The following TYW1B variants were observed in gnomAD, a reference collection of about 807,000 sequenced individuals.
TYW1B encodes the protein S-adenosyl-L-methionine-dependent tRNA 4-demethylwyosine synthase TYW1B.
Under a neutral mutation model 86.9 loss-of-function variants are expected in TYW1B, and 73 were observed. That is an observed-to-expected ratio of 0.84 (90% confidence interval 0.70 to 1.02). The LOEUF (loss-of-function observed/expected upper bound fraction) is 1.02. TYW1B is among the 50% of genes least tolerant of loss of function. The pLI, the probability that TYW1B is intolerant of heterozygous loss-of-function variation, is 0.00. For synonymous variants in TYW1B, 248 were observed against 292.8 expected (o/e 0.85, Z 1.56); for missense variants, 637 against 827.4 (o/e 0.77, Z 2.82).
At chr7:72,771,849 ATTTT>A (rs781905339) in intron 7 of TYW1B, among the ~76,000 whole-genome samples, 1 of 143,150 alleles carries the variant, frequency 7.0e-6, no homozygotes, top group African/African-American at 2.6e-5. Context: ...TAAAGAAATG[ATTTT>A]TTTTTTTTTT....
chr7:72,747,993 G>A (rs532976119), intron 7 of TYW1B, among the ~76,000 whole-genome samples: 80 of 152,184 alleles, frequency 5.3e-4, no homozygotes, highest in Non-Finnish European at 7.9e-4. Flanking sequence ...GAATACAGCC[G>A]GGCACAGTGG....
intron 7 of TYW1B, among the ~76,000 whole-genome samples, chr7:72,763,995 T>C (rs1015894865): frequency 5.3e-5 from 8 of 152,224 alleles, no homozygotes; most frequent in South Asian, 4.1e-4. Flanking sequence ...TCAGTCATAA[T>C]TGATTCTTTT....
chr7:72,601,740 T>A (rs1811672535), intron 13 of TYW1B, among the ~76,000 whole-genome samples: 2 of 110,996 alleles, frequency 1.8e-5, no homozygotes, highest in African/African-American at 3.6e-5. Context: ...CTTAAATGCA[T>A]ATTGCTAAGT....
intron 2 of TYW1B, among the ~76,000 whole-genome samples, chr7:72,823,986 C>T (rs757540032): frequency 3.9e-4 from 59 of 152,058 alleles, no homozygotes; most frequent in Non-Finnish European, 7.1e-4. Flanking sequence ...TAAAAACATG[C>T]ATAAAGAGGC....
At chr7:72,819,184 G>C (rs1271648468) in intron 2 of TYW1B, among the ~76,000 whole-genome samples, 2 of 152,036 alleles carry the variant, frequency 1.3e-5, no homozygotes, top group African/African-American at 4.8e-5. Flanking sequence ...TGGGGTAAGA[G>C]AGTTAACAAA....
chr7:72,741,965 T>C (rs144057550), intron 8 of TYW1B, among the ~76,000 whole-genome samples: 2,852 of 152,246 alleles, frequency 0.019, 36 homozygotes, highest in Non-Finnish European at 0.029. Context: ...CTAACAGACC[T>C]GCCCTACGAT....
intron 8 of TYW1B, among the ~76,000 whole-genome samples, chr7:72,742,784 A>C (rs1787327905): frequency 6.6e-6 from 1 of 152,152 alleles, no homozygotes; most frequent in African/African-American, 2.4e-5. Context: ...TAATCAAAAC[A>C]ATATTTTTAA....
chr7:72,583,408 A>G (rs1294645541), intron 13 of TYW1B, among the ~76,000 whole-genome samples: 4 of 152,310 alleles, frequency 2.6e-5, no homozygotes, highest in Admixed American at 6.5e-5. Context: ...GAGCAGCAAT[A>G]TAAGTATGCT....
At chr7:72,814,620 G>A (rs1788687301) in intron 3 of TYW1B, among the ~76,000 whole-genome samples, 1 of 151,876 alleles carries the variant, frequency 6.6e-6, no homozygotes, top group Admixed American at 6.6e-5. Context: ...AATTAGCAGG[G>A]CATGGCAGCA....
chr7:72,766,738 C>T (rs532182117), intron 7 of TYW1B, among the ~76,000 whole-genome samples: 11 of 151,844 alleles, frequency 7.2e-5, no homozygotes, highest in African/African-American at 2.7e-4. Flanking sequence ...ACCAGCCTGG[C>T]CAACAAGGTG....
intron 5 of TYW1B, among the ~76,000 whole-genome samples, chr7:72,804,149 G>T (rs1450586785): frequency 6.6e-6 from 1 of 151,526 alleles, no homozygotes; most frequent in Non-Finnish European, 1.5e-5. Context: ...ACCGGGCGTG[G>T]TGGCGTGCGC....
intron 7 of TYW1B, among the ~76,000 whole-genome samples, chr7:72,747,542 A>C (rs189958292): frequency 2.6e-5 from 4 of 152,302 alleles, no homozygotes; most frequent in Admixed American, 1.3e-4. Context: ...ATTTATGTCT[A>C]TCTCTCTACC....
intron 11 of TYW1B, among the ~76,000 whole-genome samples, chr7:72,640,432 C>T (rs374528499): frequency 4.0e-4 from 60 of 151,512 alleles, no homozygotes; most frequent in East Asian, 2.3e-3. Context: ...ATGGTAATGT[C>T]TTGTGGAGAT....
At chr7:72,583,387 G>A (rs1435885385) in intron 13 of TYW1B, among the ~76,000 whole-genome samples, 3 of 152,096 alleles carry the variant, frequency 2.0e-5, no homozygotes, top group African/African-American at 7.2e-5. Context: ...GCGGGTTGGG[G>A]GTGCAGGGGC....
rs782098315 is a variant in TYW1B at position 72,807,088 on chromosome 7, T to C, written c.701A>G (p.Glu234Gly). The C allele has an allele frequency of 6.8e-6, 11 of 1,613,958 alleles. No homozygotes were observed. In the African/African-American group the frequency reaches 1.3e-4, roughly 20 times the overall value. Reference sequence around the variant, plus strand: ...TACCTTGGTGTCTCTGTGATGCAATTCGTCCTGCTCTTGAGATCCTTCCTC... The same window carrying C: ...TACCTTGGTGTCTCTGTGATGCAATCCGTCCTGCTCTTGAGATCCTTCCTC... The part of the protein sequence containing the change: ...EREEGSQEQD[E>G]LHHRDTKEEE... Residue 234 changes from glutamate to glycine, a missense_variant, in exon 5 of 14, where the codon GAA becomes GGA. Glu to Gly is a moderately conservative substitution (Grantham distance 98). Coordinates refer to ENST00000620995, the MANE Select transcript of TYW1B (RefSeq NM_001145440.3).
intron 4 of TYW1B, among the ~76,000 whole-genome samples, chr7:72,809,272 T>C (rs1214971388): frequency 6.6e-6 from 1 of 151,892 alleles, no homozygotes; most frequent in Non-Finnish European, 1.5e-5. Flanking sequence ...CTCGATCTCC[T>C]GACCTCGTGA....
chr7:72,581,852 C>T (rs1811160341), intron 13 of TYW1B, among the ~76,000 whole-genome samples: 1 of 152,140 alleles, frequency 6.6e-6, no homozygotes, highest in South Asian at 2.1e-4. Context: ...ACTGCAACCT[C>T]TACATCCCAG....
chr7:72,740,050 C>T (rs1222863820), intron 8 of TYW1B, among the ~76,000 whole-genome samples: 6 of 144,834 alleles, frequency 4.1e-5, no homozygotes, highest in East Asian at 2.0e-4. Flanking sequence ...TGGCTAACAC[C>T]GTGAAACCCC....
intron 11 of TYW1B, among the ~76,000 whole-genome samples, chr7:72,633,437 C>T (rs1296135576): frequency 6.6e-6 from 1 of 152,216 alleles, no homozygotes; most frequent in African/African-American, 2.4e-5. Context: ...CCAGAATAGG[C>T]TCTCTCTCAC....
Sources: gnomAD v4.1 joint callset for allele counts (sites outside exome capture counted in the v4.1 genomes callset) on GRCh38, gnomAD v4.1.1 for gene constraint, MANE v1.5 for transcripts, NCBI Gene and HGNC (gene_info 2026-07-23, HGNC 2026-07-21) for gene names.